The following RNASEH1 variants were observed in gnomAD, a reference collection of about 807,000 sequenced individuals.
RNASEH1 encodes ribonuclease H1, also known as ribonuclease H type II.
RNASEH1 carries 27 observed loss-of-function variants against 34.6 expected under a neutral mutation model. The observed-to-expected ratio is 0.78, with a 90% confidence interval of 0.58 to 1.08. The LOEUF is 1.08. Ranked by LOEUF, RNASEH1 falls within the 50% of genes least tolerant of loss-of-function variation. RNASEH1 has a pLI of 0.00. For synonymous variants in RNASEH1, 162 were observed against 138.4 expected (o/e 1.17, Z -1.20); for missense variants, 349 against 373.6 (o/e 0.93, Z 0.54).
At position 3,542,020 on chromosome 2, in the gene RNASEH1, C is replaced by T. The variant is rs144474893; in HGVS notation, c.*3765G>A. Among the ~76,000 whole-genome samples, 1 of 152,040 alleles carries T rather than the reference C, an allele frequency of 6.6e-6. No homozygotes were observed. The highest frequency in any genetic ancestry group is 2.4e-5 in the African/African-American group (1 of 41,368). ...ATAACAAAACAAAACAAAAGTGGTA[C>T]AATAACAACTTTTAAAACTCAAAAA... On this transcript the variant is annotated 3_prime_UTR_variant, in exon 8 of 8. Coordinates refer to ENST00000315212, the MANE Select transcript of RNASEH1 (RefSeq NM_002936.6).
At position 3,545,866 on chromosome 2, in the gene RNASEH1, A is replaced by G. The variant is rs1369390181; in HGVS notation, c.780T>C (p.His260=). Reference sequence around the variant, plus strand: ...CTATAAATCCCGAATGACCAGGAACATGCATCTGTTAAGATAAATGTTTTC... The same window carrying G: ...CTATAAATCCCGAATGACCAGGAACGTGCATCTGTTAAGATAAATGTTTTC... ...LTQGMDIQWM[H]VPGHSGFIGN... Residue 260 remains histidine (H), a synonymous_variant, in exon 8 of 8, where the codon CAT becomes CAC. Transcript: ENST00000315212. 18 of 1,608,394 alleles carry G rather than the reference A, an allele frequency of 1.1e-5. No individual in the cohort carries two copies. The highest frequency in any genetic ancestry group is 2.7e-5 in the African/African-American group (2 of 74,962).
At chr2:3,549,196 T>A (rs1050116246) in intron 4 of RNASEH1, 84 bp from the exon 5 acceptor site, 2 of 989,786 alleles carry the variant, frequency 2.0e-6, no homozygotes, top group African/African-American at 3.2e-5. Context: ...GATAAACTAG[T>A]GTGTATTCTT....
At chr2:3,539,394 A>C (rs1668167942), downstream of RNASEH1, among the ~76,000 whole-genome samples, 1 of 152,186 alleles carries the variant, frequency 6.6e-6, no homozygotes, top group Non-Finnish European at 1.5e-5. Flanking sequence ...ATCACCAAAG[A>C]ATCTTAATTT....
At position 3,550,426 on chromosome 2, in the gene RNASEH1, C is replaced by G. The variant is rs1226356769; in HGVS notation, c.456G>C (p.Gly152=). ...VYTDGCCSSN[G]RRRPRAGIGV... is the part of the protein sequence containing the mutation. ...CGATTCCTGCTCGCGGCCTTCTACG[C>G]CCATTACTGGAGCAGCAGCCATCAG... The change falls in exon 4 of 8, where the codon GGG becomes GGC. Residue 152 remains glycine, a synonymous_variant. Coordinates refer to ENST00000315212, the MANE Select transcript of RNASEH1 (RefSeq NM_002936.6). The G allele has an allele frequency of 6.2e-7, 1 of 1,614,188 alleles. No individual in the cohort carries two copies. The highest frequency in any genetic ancestry group is 8.5e-7 in the Non-Finnish European group (1 of 1,180,012).
At chr2:3,556,967 G>T in intron 1 of RNASEH1, 63 bp from the exon 2 acceptor site, 3 of 1,235,802 alleles carry the variant, frequency 2.4e-6, no homozygotes, top group Non-Finnish European at 3.6e-6. Context: ...TTTTTATTGA[G>T]ATTCTTAAGG....
At position 3,558,142 on chromosome 2, in the gene RNASEH1, A is replaced by C; in HGVS notation, c.119T>G (p.Phe40Cys). 1 of 1,599,590 alleles carries C rather than the reference A, an allele frequency of 6.3e-7. No homozygotes were observed. The highest frequency in any genetic ancestry group is 1.7e-5 in the Admixed American group (1 of 57,952). Reference protein sequence around the residue: ...AVRRGRKTGVFLTWNECRAQV... With the variant: ...AVRRGRKTGVCLTWNECRAQV... ...CGGGCGGGCCACTCACCAGGTCAGA[A>C]AGACCCCGGTCTTGCGGCCCCTCCT... The change falls in exon 1 of 8, where the codon TTT becomes TGT. Residue 40 changes from phenylalanine (F) to cysteine (C), a missense_variant. Phe to Cys is a radical substitution (Grantham distance 205). Coordinates refer to ENST00000315212, the MANE Select transcript of RNASEH1 (RefSeq NM_002936.6).
chr2:3,548,336 T>C (rs1668953918), intron 6 of RNASEH1, among the ~76,000 whole-genome samples: 2 of 152,212 alleles, frequency 1.3e-5, no homozygotes, highest in South Asian at 4.1e-4. Context: ...TACATGCTCC[T>C]ATTCAGGGCA....
In RNASEH1 at chr2:3,549,127, T is replaced by C. The variant is rs753653028; in HGVS notation, c.510-15A>G. On this transcript the variant is annotated splice_polypyrimidine_tract_variant and intron_variant, in intron 4 of 7. Transcript: ENST00000315212. ...TGCCTACATTTCTGTTTCAAAACAG[T>C]ACAAAAGAAAATAAAAGTATAAAGT... 3.1e-6 allele frequency: 5 copies of C among 1,602,540 alleles called. No individual in the cohort carries two copies. Among genetic ancestry groups the C allele is most frequent in the Non-Finnish European group, 4.3e-6 (5 of 1,170,334 alleles).
At chr2:3,554,243 T>A (rs1207094673) in intron 2 of RNASEH1, among the ~76,000 whole-genome samples, 1 of 152,236 alleles carries the variant, frequency 6.6e-6, no homozygotes, top group African/African-American at 2.4e-5. Context: ...CTAGGTACTC[T>A]ACTGAAGTAA....
the RNASEH1 span, among the ~76,000 whole-genome samples, chr2:3,535,310 C>T: frequency 6.6e-6 from 1 of 151,586 alleles, no homozygotes; most frequent in Admixed American, 6.6e-5. Flanking sequence ...CCTCTAGTCC[C>T]CAGCTACTTG....
chr2:3,552,184 C>A lies in RNASEH1; in HGVS notation c.369G>T (p.Glu123Asp), dbSNP rs1313433336. Residue 123 changes from glutamate to aspartate, a missense_variant, in exon 3 of 8, where the codon GAG becomes GAT. Physicochemically the swap from Glu to Asp is conservative, Grantham distance 45 (BLOSUM62 2). Transcript: ENST00000315212. ...PYAKHMKPSVEPAPPVSRDTF... is the reference protein window; with the variant it reads ...PYAKHMKPSVDPAPPVSRDTF... ...TGTCTCTGCTAACTGGAGGCGCCGG[C>A]TCCACGCTCGGCTTCATGTGCTTTG... 6.2e-7 allele frequency: 1 copy of A among 1,612,156 alleles called. No individual in the cohort carries two copies. Among genetic ancestry groups the A allele is most frequent in the Admixed American group, 1.7e-5 (1 of 59,938 alleles).
At chr2:3,534,691 G>A in the RNASEH1 span, among the ~76,000 whole-genome samples, 1 of 152,252 alleles carries the variant, frequency 6.6e-6, no homozygotes, top group African/African-American at 2.4e-5. Context: ...CGAATGTGCA[G>A]AGTATCACCA....
chr2:3,555,616 G>C (rs1230361369), intron 2 of RNASEH1, among the ~76,000 whole-genome samples: 5 of 152,230 alleles, frequency 3.3e-5, no homozygotes, highest in Admixed American at 6.5e-5. Flanking sequence ...GTGGCCTCTA[G>C]AGAGGCTGTT....
chr2:3,555,487 T>C (rs919475736), intron 2 of RNASEH1, among the ~76,000 whole-genome samples: 1 of 152,180 alleles, frequency 6.6e-6, no homozygotes, highest in Non-Finnish European at 1.5e-5. Flanking sequence ...TCGACCCTGC[T>C]TTGCAAACTA....
the RNASEH1 span, chr2:3,532,178 C>A: frequency 1.5e-6 from 1 of 685,186 alleles, no homozygotes. Flanking sequence ...TTTGAGCAGC[C>A]AGACCTCCGG....
rs116148935 is a variant in RNASEH1, at chr2:3,544,034, C to T, written c.*1751G>A. Reference sequence around the variant, plus strand: ...AGAATCAAGCATTTATCCTGCCCTTCCTATATGAACTGTACCACTGGGTAA... The same window carrying T: ...AGAATCAAGCATTTATCCTGCCCTTTCTATATGAACTGTACCACTGGGTAA... On this transcript the variant is annotated 3_prime_UTR_variant, in exon 8 of 8. Transcript: ENST00000315212. Among the ~76,000 whole-genome samples, 542 of 152,328 alleles carry T rather than the reference C, an allele frequency of 3.6e-3. 5 individuals are homozygous for T. The highest frequency in any genetic ancestry group is 0.013 in the African/African-American group (526 of 41,574).
At chr2:3,537,725 G>T (rs1009143424), downstream of RNASEH1, among the ~76,000 whole-genome samples, 3 of 141,318 alleles carry the variant, frequency 2.1e-5, no homozygotes, top group African/African-American at 7.8e-5. Context: ...TGTCTCAAAA[G>T]AAAAAAAAAA....
chr2:3,550,429 A>G lies in RNASEH1; in HGVS notation c.453T>C (p.Asn151=). The G allele has an allele frequency of 1.2e-6, 2 of 1,614,144 alleles. No individual in the cohort carries two copies. Among genetic ancestry groups the G allele is most frequent in the Non-Finnish European group, 8.5e-7 (1 of 1,180,016 alleles). ...VVYTDGCCSS[N]GRRRPRAGIG... ...TTCCTGCTCGCGGCCTTCTACGCCC[A>G]TTACTGGAGCAGCAGCCATCAGTGT... Residue 151 remains asparagine, a synonymous_variant, in exon 4 of 8, where the codon AAT becomes AAC. Transcript: ENST00000315212.
chr2:3,532,031 G>A, the RNASEH1 span: 1 of 552,610 alleles, frequency 1.8e-6, no homozygotes, highest in Non-Finnish European at 3.2e-6. Context: ...GCCAAAGCAA[G>A]AAGACAAGAC....
Sources: gnomAD v4.1 joint callset for allele counts (sites outside exome capture counted in the v4.1 genomes callset) on GRCh38, gnomAD v4.1.1 for gene constraint, MANE v1.5 for transcripts, NCBI Gene and HGNC (gene_info 2026-07-23, HGNC 2026-07-21) for gene names.